FAM184A: variants seen among roughly 807,000 people sequenced by gnomAD.
The protein encoded by FAM184A is family with sequence similarity 184 member A, also known as protein FAM184A.
Under a neutral mutation model 143.8 loss-of-function variants are expected in FAM184A, and 99 were observed. That is an observed-to-expected ratio of 0.69 (90% CI 0.58 to 0.81). The LOEUF is 0.81. FAM184A is among the 40% of genes least tolerant of loss of function. The pLI is 0.00. For synonymous variants in FAM184A, 427 were observed against 446.4 expected, an observed-to-expected ratio of 0.96 and a Z score of 0.55; for missense variants, 1,217 against 1,310.5, an observed-to-expected ratio of 0.93 and a Z score of 1.10.
intron 1 of FAM184A, among the ~76,000 whole-genome samples, chr6:119,120,512 A>T (rs1452617018): frequency 6.6e-6 from 1 of 152,224 alleles, no homozygotes; most frequent in Non-Finnish European, 1.5e-5. Context: ...TCTTGAGTAT[A>T]TACACAGAGG....
chr6:119,006,244 T>C, intron 7 of FAM184A: 1 of 750,738 alleles, frequency 1.3e-6, no homozygotes, highest in South Asian at 1.4e-5. Context: ...AACACCTTGA[T>C]GTTGGACTTC....
At chr6:118,977,806 T>C (rs1379234808) in intron 11 of FAM184A, among the ~76,000 whole-genome samples, 1 of 152,198 alleles carries the variant, frequency 6.6e-6, no homozygotes, top group Non-Finnish European at 1.5e-5. Context: ...GTTGTGATAC[T>C]GTACCATAGT....
At chr6:119,053,221 G>C (rs113152072) in intron 1 of FAM184A, among the ~76,000 whole-genome samples, 23 of 152,268 alleles carry the variant, frequency 1.5e-4, no homozygotes, top group African/African-American at 5.5e-4. Flanking sequence ...CAGTTGTTGA[G>C]TCTGTTAATG....
At chr6:119,131,230 A>G (rs1252619587) in intron 1 of FAM184A, among the ~76,000 whole-genome samples, 1 of 152,218 alleles carries the variant, frequency 6.6e-6, no homozygotes, top group Non-Finnish European at 1.5e-5. Context: ...TACTTCCTCC[A>G]TCTGAAGACG....
Position 119,023,990 on chromosome 6 carries a change from G to A in FAM184A, c.983C>T (p.Thr328Met), listed in dbSNP as rs777929359. The A allele has an allele frequency of 2.2e-5, 35 of 1,605,246 alleles. 1 individual carries two copies. In the South Asian group the frequency reaches 2.7e-4, roughly 12 times the overall value. The change falls in exon 2 of 18, where the codon ACG (threonine) becomes ATG (methionine). Residue 328 changes from threonine (T) to methionine (M), a missense_variant. Physicochemically the swap from Thr to Met is moderately conservative, Grantham distance 81 (BLOSUM62 -1). Coordinates refer to ENST00000338891, the MANE Select transcript of FAM184A (RefSeq NM_024581.6). The stretch of plus-strand genomic sequence containing the variant: ...ATTGTTCTCTGCTATGGCAAGTGCC[G>A]TCTGAAGCTTTTGGCATTTGTCAAG... ...SLLDKCQKLQ[T>M]ALAIAENNVQ...
chr6:118,967,249 T>A (rs1783528512), intron 14 of FAM184A, among the ~76,000 whole-genome samples: 1 of 152,166 alleles, frequency 6.6e-6, no homozygotes, highest in African/African-American at 2.4e-5. Flanking sequence ...GGAGATAAGC[T>A]CTGCAGAAGA....
At chr6:119,035,618 T>G (rs1210427278) in intron 1 of FAM184A, among the ~76,000 whole-genome samples, 1 of 152,170 alleles carries the variant, frequency 6.6e-6, no homozygotes, top group African/African-American at 2.4e-5. Context: ...CTGGTATCTT[T>G]TTAGGTCTGA....
At chr6:118,979,642 C>G in intron 10 of FAM184A, 124 bp from the exon 11 acceptor site, 1 of 700,874 alleles carries the variant, frequency 1.4e-6, no homozygotes, top group Non-Finnish European at 2.3e-6. Flanking sequence ...GGTTCATTTT[C>G]AAGAAAACTA....
intron 1 of FAM184A, among the ~76,000 whole-genome samples, chr6:119,113,816 A>T (rs1788993499): frequency 6.6e-6 from 1 of 152,004 alleles, no homozygotes; most frequent in Non-Finnish European, 1.5e-5. Context: ...GTGGCTCATG[A>T]CTGTAATCCC....
At chr6:118,981,605 C>T (rs1337714647) in intron 9 of FAM184A, among the ~76,000 whole-genome samples, 5 of 151,974 alleles carry the variant, frequency 3.3e-5, no homozygotes, top group Admixed American at 2.6e-4. Context: ...AAGAGAAGAA[C>T]GGAGGAAAGA....
At chr6:119,015,241 C>T (rs1785204991) in intron 5 of FAM184A, among the ~76,000 whole-genome samples, 1 of 152,098 alleles carries the variant, frequency 6.6e-6, no homozygotes, top group South Asian at 2.1e-4. Flanking sequence ...AGGAGCCCTT[C>T]GGCCTGCCGC....
chr6:119,073,604 G>A (rs1186822110), intron 1 of FAM184A, among the ~76,000 whole-genome samples: 1 of 152,192 alleles, frequency 6.6e-6, no homozygotes, highest in East Asian at 1.9e-4. Flanking sequence ...TCCCTGGGGA[G>A]AGCTGTGGTA....
intron 9 of FAM184A, among the ~76,000 whole-genome samples, chr6:118,986,772 CAT>C (rs1392592808): frequency 1.3e-5 from 2 of 152,114 alleles, no homozygotes; most frequent in East Asian, 3.9e-4. Flanking sequence ...TAAAAATAAT[CAT>C]ATCCTATTTG....
At chr6:119,081,686 G>A (rs946294108), upstream of FAM184A, among the ~76,000 whole-genome samples, 4 of 152,216 alleles carry the variant, frequency 2.6e-5, no homozygotes, top group Admixed American at 1.3e-4. Context: ...AGCAGATGGG[G>A]TAGCCAGAAG....
At chr6:119,059,855 T>A (rs1224931203) in intron 1 of FAM184A, among the ~76,000 whole-genome samples, 2 of 152,208 alleles carry the variant, frequency 1.3e-5, no homozygotes, top group African/African-American at 4.8e-5. Context: ...CTCACAAGTA[T>A]TATTTTGCCA....
chr6:119,077,745 A>G (rs1787924053), intron 1 of FAM184A, among the ~76,000 whole-genome samples: 1 of 152,236 alleles, frequency 6.6e-6, no homozygotes, highest in African/African-American at 2.4e-5. Flanking sequence ...TTTAATTCCG[A>G]GTCATATTAG....
At chr6:119,046,883 G>T (rs1273760049) in intron 1 of FAM184A, among the ~76,000 whole-genome samples, 4 of 152,036 alleles carry the variant, frequency 2.6e-5, no homozygotes, top group Non-Finnish European at 5.9e-5. Flanking sequence ...GAACAAATGG[G>T]ATTACATCAA....
Position 118,979,331 on chromosome 6 carries a change from T to C in FAM184A, c.2455+34A>G, listed in dbSNP as rs894754766. The C allele has an allele frequency of 1.9e-6, 3 of 1,553,538 alleles. No individual in the cohort carries two copies. In the African/African-American group the frequency reaches 4.2e-5, roughly 22 times the overall value. ...TTAAAAAATGTTAAAAATGTACATA[T>C]GAATATGACAAGATTGTAATCTTTT... On this transcript the variant is annotated intron_variant, in intron 11 of 17. Transcript: ENST00000338891.
intron 1 of FAM184A, among the ~76,000 whole-genome samples, chr6:119,047,262 C>T (rs1373783309): frequency 6.6e-6 from 1 of 152,070 alleles, no homozygotes; most frequent in Non-Finnish European, 1.5e-5. Context: ...GAAAAGGGAA[C>T]CCTTGTACAC....
Sources: allele counts gnomAD v4.1 joint callset (sites outside exome capture counted in the v4.1 genomes callset), GRCh38; gene constraint gnomAD v4.1.1; transcripts MANE v1.5; gene names NCBI Gene and HGNC (gene_info 2026-07-23, HGNC 2026-07-21).